Variants in TXNL1 observed in about 807,000 individuals in gnomAD.
TXNL1 encodes thioredoxin like 1.
TXNL1 carries 14 observed loss-of-function variants against 35.5 expected under a neutral mutation model. The observed-to-expected ratio is 0.39, with a 90% CI of 0.26 to 0.62. The LOEUF is 0.62. Among genes scored for constraint, TXNL1 ranks in the 20% least tolerant of loss-of-function variants. The pLI is 0.47. For synonymous variants in TXNL1, 110 were observed against 115.5 expected (o/e 0.95, Z 0.31); for missense variants, 263 against 349.7 (o/e 0.75, Z 1.98).
chr18:56,622,351 A>C (rs1035868884), intron 3 of TXNL1, among the ~76,000 whole-genome samples: 4 of 152,180 alleles, frequency 2.6e-5, no homozygotes, highest in African/African-American at 9.6e-5. Flanking sequence ...ATGGTGGGAA[A>C]CAGCCATAAA....
At chr18:56,623,194 A>G (rs1201349756) in intron 3 of TXNL1, among the ~76,000 whole-genome samples, 1 of 152,148 alleles carries the variant, frequency 6.6e-6, no homozygotes, top group Non-Finnish European at 1.5e-5. Context: ...GGGGGAGGCC[A>G]AGGCAGGTGG....
At chr18:56,607,647 G>A (rs1173417374) in intron 7 of TXNL1, among the ~76,000 whole-genome samples, 9 of 152,128 alleles carry the variant, frequency 5.9e-5, no homozygotes, top group Non-Finnish European at 1.2e-4. Flanking sequence ...AGTGAGGTCA[G>A]GAGTTTGAGA....
rs1339796189 is a variant in TXNL1, at chr18:56,614,408, A to C, written c.735+16T>G. On this transcript the variant is annotated intron_variant, in intron 6 of 7. Coordinates refer to ENST00000217515, the MANE Select transcript of TXNL1 (RefSeq NM_004786.3). ...TCACAAACCTATTAAATACATATGA[A>C]CGAAATACTACTTACAGTTACACTG... 3 of 1,607,996 alleles carry C rather than the reference A, an allele frequency of 1.9e-6. No individual in the cohort carries two copies. In the African/African-American group the frequency reaches 4.0e-5, roughly 21 times the overall value.
chr18:56,617,905 T>C, intron 4 of TXNL1, 99 bp downstream of exon 4: 1 of 1,419,208 alleles, frequency 7.0e-7, no homozygotes, highest in Non-Finnish European at 9.7e-7. Flanking sequence ...GAAGTGATCA[T>C]CTGGGAAGGA....
intron 1 of TXNL1, among the ~76,000 whole-genome samples, chr18:56,626,938 G>A (rs2024294488): frequency 6.7e-6 from 1 of 148,466 alleles, no homozygotes; most frequent in Non-Finnish European, 1.5e-5. Context: ...CCAAGTAGCT[G>A]CAACTACAGG....
chr18:56,619,981 A>T (rs140479552), intron 3 of TXNL1, among the ~76,000 whole-genome samples: 59 of 151,722 alleles, frequency 3.9e-4, no homozygotes, highest in African/African-American at 1.0e-3. Flanking sequence ...TATTATTATT[A>T]TTTTTTTGAG....
At chr18:56,622,647 C>T (rs187316279) in intron 3 of TXNL1, among the ~76,000 whole-genome samples, 2 of 152,070 alleles carry the variant, frequency 1.3e-5, no homozygotes, top group African/African-American at 4.8e-5. Flanking sequence ...TTCCTATTTC[C>T]TATCTGAGGC....
intron 3 of TXNL1, among the ~76,000 whole-genome samples, chr18:56,620,908 T>C (rs1383714954): frequency 6.6e-6 from 1 of 152,234 alleles, no homozygotes; most frequent in Non-Finnish European, 1.5e-5. Flanking sequence ...GGGTAACGTA[T>C]AGCCAATTTA....
At chr18:56,606,906 GGA>G (rs1488653281) in intron 7 of TXNL1, among the ~76,000 whole-genome samples, 1 of 152,164 alleles carries the variant, frequency 6.6e-6, no homozygotes, top group African/African-American at 2.4e-5. Flanking sequence ...AGCAAGCATG[GGA>G]GAGACCATAT....
chr18:56,626,569 T>C, intron 1 of TXNL1, 112 bp from the exon 2 acceptor site: 3 of 961,706 alleles, frequency 3.1e-6, no homozygotes, highest in Non-Finnish European at 4.6e-6. Context: ...TTTGACTCTC[T>C]GTTTTTTTTG....
intron 7 of TXNL1, 178 bp downstream of exon 7, chr18:56,610,815 G>T: frequency 2.3e-6 from 1 of 430,564 alleles, no homozygotes; most frequent in Non-Finnish European, 4.1e-6. Context: ...TTACTTTGTT[G>T]GATATCTAAA....
Position 56,602,888 on chromosome 18 carries a change from A to C in TXNL1, c.*139T>G. 1.1e-6 allele frequency: 1 copy of C among 911,272 alleles called. No homozygotes were observed. The allele number at this position is 911,272 out of a possible 1,614,324, so 56.4% of individuals were successfully genotyped here. ...GTGTCAAGATTACAATGGAAACACT[A>C]GTGATACCATCTGAACAAAAGCAAT... On this transcript the variant is annotated 3_prime_UTR_variant, in exon 8 of 8. Transcript: ENST00000217515.
intron 7 of TXNL1, among the ~76,000 whole-genome samples, chr18:56,605,445 GAA>G (rs2023875861): frequency 6.6e-6 from 1 of 152,142 alleles, no homozygotes; most frequent in Admixed American, 6.5e-5. Context: ...GGCCAGTTTA[GAA>G]AAGTCTATTT....
chr18:56,635,306 A>G (rs2024439436), intron 1 of TXNL1, among the ~76,000 whole-genome samples: 1 of 152,170 alleles, frequency 6.6e-6, no homozygotes, highest in South Asian at 2.1e-4. Context: ...GGATCCCCGC[A>G]TAGCAATGTC....
intron 1 of TXNL1, among the ~76,000 whole-genome samples, chr18:56,626,797 C>CTTTTTTT (rs386387792): frequency 0.057 from 3,138 of 54,994 alleles, 678 homozygotes; most frequent in Non-Finnish European, 0.078. Flanking sequence ...CCAAGCCGGT[C>CTTTTTTT]TTTTTTTTTT....
chr18:56,609,495 T>C (rs1452056473), intron 7 of TXNL1: 5 of 151,958 alleles, frequency 3.3e-5, no homozygotes, highest in Non-Finnish European at 4.4e-5. Flanking sequence ...GTAAACAAGA[T>C]AGAATGGTGG....
rs143633063 is a variant in TXNL1 at position 56,617,169 on chromosome 18, A to C, written c.492+835T>G. On this transcript the variant is annotated intron_variant, in intron 4 of 7. Coordinates refer to ENST00000217515, the MANE Select transcript of TXNL1 (RefSeq NM_004786.3). ...AGATGGGGTTTGGATTTATGATTTC[A>C]GAATCATGTTGTGGTTTATCTGCCT... is the stretch of plus-strand genomic sequence containing the variant. 7.1e-4 allele frequency among the ~76,000 whole-genome samples: 108 copies of C among 152,328 alleles called. 1 individual carries two copies. The East Asian group carries it at 0.02, about 28-fold the overall frequency.
intron 4 of TXNL1, among the ~76,000 whole-genome samples, chr18:56,616,899 TTC>T (rs1169488196): frequency 6.6e-6 from 1 of 152,128 alleles, no homozygotes; most frequent in Non-Finnish European, 1.5e-5. Flanking sequence ...GTCAGAATGT[TTC>T]TCTCTCCGAA....
rs1276875412 is a variant in TXNL1 at position 56,599,294 on chromosome 18, AC to A, written c.*3732del. On this transcript the variant is annotated 3_prime_UTR_variant, in exon 8 of 8. Coordinates refer to ENST00000217515, the MANE Select transcript of TXNL1 (RefSeq NM_004786.3). ...CTGAGCATGTTAAAAAAAAAAAAAA[AC>A]CTTATTGATCAAAAATAAAACTTGA... The A allele has an allele frequency of 1.3e-5, 2 of 151,698 alleles. No homozygotes were observed. Among genetic ancestry groups the A allele is most frequent in the South Asian group, 2.1e-4 (1 of 4,822 alleles). 9.4% of individuals were successfully genotyped at this position (151,698 alleles called of 1,614,324 possible).
Sources: allele counts gnomAD v4.1 joint callset (sites outside exome capture counted in the v4.1 genomes callset), GRCh38; gene constraint gnomAD v4.1.1; transcripts MANE v1.5; gene names NCBI Gene and HGNC (gene_info 2026-07-23, HGNC 2026-07-21).